TPRG1: variants seen among roughly 807,000 people sequenced by gnomAD.
TPRG1 encodes tumor protein p63-regulated gene 1 protein.
In TPRG1, 29 loss-of-function variants were observed where a neutral mutation model predicts 29.3. That is an observed-to-expected ratio of 0.99 (90% CI 0.74 to 1.35). The LOEUF (loss-of-function observed/expected upper bound fraction) is 1.35, where lower values mean the gene tolerates loss of function less well. TPRG1 is among the 40% of genes most tolerant of loss of function. TPRG1 has a pLI of 0.00. For synonymous variants in TPRG1, 130 were observed against 116.8 expected (o/e 1.11, Z -0.73); for missense variants, 327 against 335.0 (o/e 0.98, Z 0.19).
chr3:189,057,283 T>C (rs888972055), intron 4 of TPRG1, among the ~76,000 whole-genome samples: 1 of 152,214 alleles, frequency 6.6e-6, no homozygotes, highest in African/African-American at 2.4e-5. Flanking sequence ...CACGTTTGCA[T>C]TGGTACACTA....
At chr3:189,234,884 C>A (rs1167871165) in intron 3 of TPRG1, among the ~76,000 whole-genome samples, 1 of 152,122 alleles carries the variant, frequency 6.6e-6, no homozygotes, top group Non-Finnish European at 1.5e-5. Flanking sequence ...AGACAAGTAG[C>A]CACAGAGGTT....
At chr3:189,259,716 C>T (rs1295851604) in intron 4 of TPRG1, among the ~76,000 whole-genome samples, 1 of 152,170 alleles carries the variant, frequency 6.6e-6, no homozygotes, top group East Asian at 1.9e-4. Flanking sequence ...GTGATCCACC[C>T]GCCTGGGCCT....
chr3:189,209,220 G>A (rs1157956229), intron 2 of TPRG1, among the ~76,000 whole-genome samples: 1 of 152,152 alleles, frequency 6.6e-6, no homozygotes, highest in Non-Finnish European at 1.5e-5. Context: ...CAGGTACAGG[G>A]GCTACCCCTT....
chr3:189,152,638 C>G lies in TPRG1; in HGVS notation c.-10+1766C>G, dbSNP rs559644225. The stretch of plus-strand genomic sequence containing the variant: ...CCATTACTATTAAAAAGTAGGATTC[C>G]TACCCGCCATTATTATTAAAAAGTA... On this transcript the variant is annotated intron_variant, in intron 5 of 6. Transcript: ENST00000412373. Among the ~76,000 whole-genome samples the G allele has an allele frequency of 3.9e-4, 59 of 149,788 alleles. No homozygotes were observed. In the South Asian group the frequency reaches 0.012, roughly 30 times the overall value.
chr3:189,020,791 AC>A (rs1430410823), intron 3 of TPRG1, among the ~76,000 whole-genome samples: 26 of 95,216 alleles, frequency 2.7e-4, no homozygotes, highest in African/African-American at 9.6e-4. Flanking sequence ...ATCCTTGTTG[AC>A]TTTCTGTCTC....
At chr3:189,149,459 T>C (rs1173019140) in intron 4 of TPRG1, among the ~76,000 whole-genome samples, 1 of 152,152 alleles carries the variant, frequency 6.6e-6, no homozygotes, top group Admixed American at 6.5e-5. Flanking sequence ...TCTCTAGGAC[T>C]TTCTGTTCTG....
At chr3:189,036,642 A>G (rs1182998330) in intron 4 of TPRG1, among the ~76,000 whole-genome samples, 1 of 152,104 alleles carries the variant, frequency 6.6e-6, no homozygotes, top group African/African-American at 2.4e-5. Context: ...ATAACACCAT[A>G]TACGTGACAA....
chr3:189,228,582 A>T (rs1738157454), intron 3 of TPRG1, among the ~76,000 whole-genome samples: 1 of 152,186 alleles, frequency 6.6e-6, no homozygotes, highest in South Asian at 2.1e-4. Flanking sequence ...CCCACTCATG[A>T]TAAAAACAAA....
At chr3:189,236,847 C>A (rs1470840943) in intron 3 of TPRG1, among the ~76,000 whole-genome samples, 1 of 152,092 alleles carries the variant, frequency 6.6e-6, no homozygotes, top group African/African-American at 2.4e-5. Context: ...ATTGATTCAA[C>A]TCCTAACTGC....
rs187229980 is a variant in TPRG1, at chr3:189,094,932, C to T, written c.-462-32125C>T. ...ATCCTGGAGGAGCAGGATGCACAAC[C>T]GTAGAAAATGATTGGCATCAGTTTT... On this transcript the variant is annotated intron_variant, in intron 4 of 10. Coordinates refer to the TPRG1 transcript ENST00000433971. Among the ~76,000 whole-genome samples, 345 of 152,264 alleles carry T rather than the reference C, an allele frequency of 2.3e-3. 3 individuals are homozygous for T. Among genetic ancestry groups the T allele is most frequent in the African/African-American group, 7.8e-3 (324 of 41,546 alleles).
upstream of TPRG1, among the ~76,000 whole-genome samples, chr3:189,099,633 T>G (rs1354768816): frequency 6.6e-6 from 1 of 152,028 alleles, no homozygotes; most frequent in Non-Finnish European, 1.5e-5. Flanking sequence ...GTCTCATAGC[T>G]GGATAAAAGC....
Position 189,085,834 on chromosome 3 carries a change from T to A in TPRG1, c.-462-41223T>A, listed in dbSNP as rs115413549. ...ATCCATTTACACTTGAGGATATGGA[T>A]GTATTTCATTCATTTTGCTTTCAAT... is the stretch of plus-strand genomic sequence containing the variant. On this transcript the variant is annotated intron_variant, in intron 4 of 10. Coordinates refer to the TPRG1 transcript ENST00000433971. 5.3e-3 allele frequency among the ~76,000 whole-genome samples: 810 copies of A among 152,322 alleles called. 2 individuals carry two copies. Among genetic ancestry groups the A allele is most frequent in the Middle Eastern group, 0.017 (5 of 294 alleles).
intron 3 of TPRG1, among the ~76,000 whole-genome samples, chr3:189,138,783 G>A (rs1188269957): frequency 6.6e-6 from 1 of 152,172 alleles, no homozygotes; most frequent in African/African-American, 2.4e-5. Flanking sequence ...CTGGAGAACA[G>A]GAGGATGGAG....
At chr3:189,113,416 G>A (rs548926544) in intron 1 of TPRG1, among the ~76,000 whole-genome samples, 165 of 152,168 alleles carry the variant, frequency 1.1e-3, no homozygotes, top group Middle Eastern at 6.8e-3. Flanking sequence ...ACACTATGTT[G>A]AATAGGAGTG....
intron 4 of TPRG1, among the ~76,000 whole-genome samples, chr3:189,264,923 GA>G (rs1312359464): frequency 6.6e-6 from 1 of 152,150 alleles, no homozygotes; most frequent in Non-Finnish European, 1.5e-5. Context: ...GGGTGCAACT[GA>G]AATCCAAGAA....
intron 4 of TPRG1, among the ~76,000 whole-genome samples, chr3:189,304,953 A>G (rs1721405211): frequency 6.6e-6 from 1 of 152,194 alleles, no homozygotes; most frequent in Admixed American, 6.5e-5. Context: ...GTTTAGAGCA[A>G]GAGTTAATGT....
At chr3:189,280,655 A>G (rs1006225196) in intron 4 of TPRG1, among the ~76,000 whole-genome samples, 1 of 152,162 alleles carries the variant, frequency 6.6e-6, no homozygotes, top group African/African-American at 2.4e-5. Flanking sequence ...GATTGCCATA[A>G]CAGAAAGAAC....
At chr3:189,302,138 A>C (rs373655459) in intron 4 of TPRG1, among the ~76,000 whole-genome samples, 1 of 152,228 alleles carries the variant, frequency 6.6e-6, no homozygotes, top group Non-Finnish European at 1.5e-5. Flanking sequence ...CAAAAGCCTT[A>C]TATCCATCAA....
At chr3:189,228,424 C>T (rs996446222) in intron 3 of TPRG1, among the ~76,000 whole-genome samples, 1 of 151,958 alleles carries the variant, frequency 6.6e-6, no homozygotes, top group African/African-American at 2.4e-5. Context: ...AATTATACAT[C>T]ATAACCCAAA....
Sources: allele counts gnomAD v4.1 joint callset (sites outside exome capture counted in the v4.1 genomes callset), GRCh38; gene constraint gnomAD v4.1.1; transcripts MANE v1.5; gene names NCBI Gene and HGNC (gene_info 2026-07-23, HGNC 2026-07-21).